SLC27A6: variants seen among roughly 807,000 people sequenced by gnomAD.
SLC27A6 encodes the protein solute carrier family 27 member 6.
SLC27A6 carries 74 observed loss-of-function variants against 63.9 expected under a neutral mutation model. That is an observed-to-expected ratio of 1.16 (90% CI 0.96 to 1.40). The LOEUF (loss-of-function observed/expected upper bound fraction) is 1.40. Ranked by LOEUF, SLC27A6 falls within the 40% of genes most tolerant of loss-of-function variation. The probability of loss-of-function intolerance (pLI) is 0.00; values close to 1 mark genes in which losing one functional copy is unlikely to be tolerated. For missense variants in SLC27A6, 794 were observed against 732.9 expected (o/e 1.08, Z -0.96); for synonymous variants, 287 against 260.8 (o/e 1.10, Z -0.97).
At chr5:129,031,377 A>C (rs1381013094) in intron 9 of SLC27A6, among the ~76,000 whole-genome samples, 2 of 152,042 alleles carry the variant, frequency 1.3e-5, no homozygotes, top group African/African-American at 4.8e-5. Flanking sequence ...CAAATTAAAA[A>C]ATGGAAGAAG....
rs1749850574 is a variant in SLC27A6, at chr5:128,965,560, T to C, written c.-578T>C. 1 of 152,282 alleles carries C rather than the reference T, an allele frequency of 6.6e-6. No individual in the cohort carries two copies. The highest frequency in any genetic ancestry group is 6.5e-5 in the Admixed American group (1 of 15,282). The allele number at this position is 152,282 out of a possible 1,614,324, so 9.4% of individuals were successfully genotyped here. A position where few individuals can be genotyped will look rare whatever the true frequency, so the allele number is the denominator to read the frequency against. ...TGCGCGGTTTCTGGTGCGTAGAGAC[T>C]GTAAATCGCTGCGCTTCTCAGTCAT... is the stretch of plus-strand genomic sequence containing the variant. On this transcript the variant is annotated 5_prime_UTR_variant, in exon 1 of 10. Transcript: ENST00000262462.
At chr5:128,987,751 C>T (rs1312758082) in intron 2 of SLC27A6, among the ~76,000 whole-genome samples, 1 of 151,906 alleles carries the variant, frequency 6.6e-6, no homozygotes, top group East Asian at 1.9e-4. Flanking sequence ...GAGGGCTGAT[C>T]TTCAGAAAAT....
intron 1 of SLC27A6, among the ~76,000 whole-genome samples, chr5:128,982,523 A>G (rs1263205637): frequency 6.6e-6 from 1 of 152,208 alleles, no homozygotes; most frequent in Non-Finnish European, 1.5e-5. Context: ...CATTAAGAAC[A>G]TATAAAAGTT....
chr5:128,999,919 G>A (rs10071325), intron 4 of SLC27A6, among the ~76,000 whole-genome samples: 34,862 of 152,122 alleles, frequency 0.23, 5,107 homozygotes, highest in East Asian at 0.7. Flanking sequence ...ACCCTTCTGA[G>A]GAGAGAAGCA....
intron 1 of SLC27A6, among the ~76,000 whole-genome samples, chr5:128,973,068 A>T (rs1750242383): frequency 6.6e-6 from 1 of 152,066 alleles, no homozygotes; most frequent in Non-Finnish European, 1.5e-5. Flanking sequence ...TCCACTCCAG[A>T]CCCCGTTTGC....
chr5:128,977,464 G>T (rs1354721864), intron 1 of SLC27A6, among the ~76,000 whole-genome samples: 7 of 152,088 alleles, frequency 4.6e-5, no homozygotes, highest in Admixed American at 2.6e-4. Context: ...GAGAGAAAAG[G>T]AAAGGGGTGG....
At chr5:128,970,436 G>T (rs559430397) in intron 1 of SLC27A6, among the ~76,000 whole-genome samples, 26 of 152,230 alleles carry the variant, frequency 1.7e-4, no homozygotes, top group Admixed American at 3.3e-4. Flanking sequence ...CAATTTCAGA[G>T]CCTGTTATTG....
chr5:128,987,957 G>T (rs1186647851), intron 2 of SLC27A6, among the ~76,000 whole-genome samples: 2 of 152,076 alleles, frequency 1.3e-5, no homozygotes, highest in Non-Finnish European at 2.9e-5. Flanking sequence ...CCAGCGAAAT[G>T]GATAGATGAG....
intron 3 of SLC27A6, among the ~76,000 whole-genome samples, chr5:128,989,796 C>T (rs192883868): frequency 3.3e-5 from 5 of 151,878 alleles, no homozygotes; most frequent in African/African-American, 1.2e-4. Flanking sequence ...TGGTGGCAGG[C>T]ACCTGTAGTC....
chr5:129,027,981 C>T (rs1752298779), intron 7 of SLC27A6, among the ~76,000 whole-genome samples: 1 of 152,012 alleles, frequency 6.6e-6, no homozygotes, highest in South Asian at 2.1e-4. Flanking sequence ...TAAAAGACAA[C>T]TAGAGCTTTG....
intron 5 of SLC27A6, among the ~76,000 whole-genome samples, chr5:129,021,066 A>T (rs532468176): frequency 6.6e-5 from 10 of 151,428 alleles, no homozygotes; most frequent in African/African-American, 2.4e-4. Flanking sequence ...CACATAGCTT[A>T]CTTCCATCTC....
intron 1 of SLC27A6, among the ~76,000 whole-genome samples, chr5:128,974,855 T>A (rs1048809217): frequency 4.6e-5 from 7 of 152,202 alleles, no homozygotes; most frequent in Non-Finnish European, 8.8e-5. Flanking sequence ...AAATGACACA[T>A]CTTTTGTAAA....
At chr5:129,003,209 TTC>T (rs953664321) in intron 4 of SLC27A6, among the ~76,000 whole-genome samples, 1 of 152,216 alleles carries the variant, frequency 6.6e-6, no homozygotes, top group African/African-American at 2.4e-5. Flanking sequence ...CAGTGTGGGT[TTC>T]TCTCTGTCTC....
chr5:129,028,451 A>G lies in SLC27A6; in HGVS notation c.1552+9A>G, dbSNP rs899657692. 4.6e-6 allele frequency: 7 copies of G among 1,506,232 alleles called. No individual in the cohort carries two copies. The highest frequency in any genetic ancestry group is 6.4e-6 in the Non-Finnish European group (7 of 1,092,622). The allele number at this position is 1,506,232 out of a possible 1,614,324, so 93.3% of individuals were successfully genotyped here. On this transcript the variant is annotated intron_variant, in intron 8 of 9. Transcript: ENST00000262462. ...TGGTGTGGCTATATCAGGTATAAAT[A>G]TATTTCAGATTTTGGAAAGATTCTT...
rs191426309 is a variant in SLC27A6, at chr5:128,993,702, C to A, written c.969+3238C>A. ...AAATTTTTTAAAGAAATGAAATATT[C>A]TTTTTAACTCTCTGAATCTGTATTG... On this transcript the variant is annotated intron_variant, in intron 4 of 9. Coordinates refer to ENST00000262462, the MANE Select transcript of SLC27A6 (RefSeq NM_001017372.3). Among the ~76,000 whole-genome samples, 5 of 152,094 alleles carry A rather than the reference C, an allele frequency of 3.3e-5. No individual in the cohort carries two copies. In the East Asian group the frequency reaches 9.7e-4, roughly 29 times the overall value.
chr5:129,022,329 G>A (rs1033366045), intron 5 of SLC27A6, among the ~76,000 whole-genome samples: 1 of 152,204 alleles, frequency 6.6e-6, no homozygotes, highest in East Asian at 1.9e-4. Flanking sequence ...CCAGCATATA[G>A]TTGGTGCCCA....
At chr5:128,997,283 T>TA (rs1751192701) in intron 4 of SLC27A6, among the ~76,000 whole-genome samples, 1 of 152,150 alleles carries the variant, frequency 6.6e-6, no homozygotes, top group Non-Finnish European at 1.5e-5. Flanking sequence ...CATTTATATA[T>TA]TTTTTATTAT....
intron 1 of SLC27A6, among the ~76,000 whole-genome samples, chr5:128,984,692 G>A (rs192821740): frequency 6.6e-6 from 1 of 152,338 alleles, no homozygotes; most frequent in Non-Finnish European, 1.5e-5. Context: ...TTTCAGAGCA[G>A]TCGGGGATTC....
In SLC27A6 at chr5:129,016,041, A is replaced by G. The variant is rs745405170; in HGVS notation, c.1126A>G (p.Arg376Gly). The stretch of plus-strand genomic sequence containing the variant: ...CATATCTTTCATGAACTACACTGGG[A>G]GAATTGGAGCAATTGGGAGAACAAA... ...SSISFMNYTG[R>G]IGAIGRTNLF... The change falls in exon 5 of 10, where the codon AGA (arginine) becomes GGA (glycine). Residue 376 changes from arginine to glycine, a missense_variant. Coordinates refer to ENST00000262462, the MANE Select transcript of SLC27A6 (RefSeq NM_001017372.3). 4 of 1,596,068 alleles carry G rather than the reference A, an allele frequency of 2.5e-6. No homozygotes were observed. Among genetic ancestry groups the G allele is most frequent in the South Asian group, 1.1e-5 (1 of 88,156 alleles).
Sources: gnomAD v4.1 joint callset for allele counts (sites outside exome capture counted in the v4.1 genomes callset) on GRCh38, gnomAD v4.1.1 for gene constraint, MANE v1.5 for transcripts, NCBI Gene and HGNC (gene_info 2026-07-23, HGNC 2026-07-21) for gene names.